Variants in DOCK10 observed in about 807,000 individuals in gnomAD.
DOCK10 encodes the protein dedicator of cytokinesis 10.
Under a neutral mutation model 280.1 loss-of-function variants are expected in DOCK10, and 145 were observed. The observed-to-expected ratio is 0.52, with a 90% confidence interval of 0.45 to 0.59. The LOEUF (loss-of-function observed/expected upper bound fraction) is 0.59, where lower values mean the gene tolerates loss of function less well. DOCK10 is among the 20% of genes least tolerant of loss of function. The pLI, the probability that DOCK10 is intolerant of heterozygous loss-of-function variation, is 0.00. For missense variants in DOCK10, 2,368 were observed against 2,651.7 expected (o/e 0.89, Z 2.35); for synonymous variants, 915 against 942.2 (o/e 0.97, Z 0.53).
At chr2:224,813,020 T>A (rs902261787) in intron 31 of DOCK10, among the ~76,000 whole-genome samples, 2 of 152,210 alleles carry the variant, frequency 1.3e-5, no homozygotes, top group African/African-American at 4.8e-5. Flanking sequence ...TTAGGGAGGA[T>A]TCCCTCTTTT....
chr2:225,014,081 A>ATATATATATATATATTTTTT (rs776104946), intron 1 of DOCK10, among the ~76,000 whole-genome samples: 15 of 96,824 alleles, frequency 1.5e-4, no homozygotes, highest in African/African-American at 7.0e-4. Context: ...GTCTGAATAT[A>ATATATATATATATATTTTTT]TTGTTTTTTT....
At chr2:224,896,554 TA>T (rs1185972052) in intron 3 of DOCK10, among the ~76,000 whole-genome samples, 177 bp from the exon 4 acceptor site, 4 of 151,990 alleles carry the variant, frequency 2.6e-5, no homozygotes, top group Non-Finnish European at 5.9e-5. Flanking sequence ...CCATCTCTAC[TA>T]AAAATACAAA....
intron 55 of DOCK10, among the ~76,000 whole-genome samples, chr2:224,767,857 A>G (rs1242309972): frequency 2.6e-5 from 4 of 151,870 alleles, no homozygotes; most frequent in Admixed American, 6.6e-5. Flanking sequence ...ACACATAATT[A>G]ATTCTATTTT....
chr2:225,018,052 T>C (rs1365623900), intron 1 of DOCK10, among the ~76,000 whole-genome samples: 2 of 152,208 alleles, frequency 1.3e-5, no homozygotes. Flanking sequence ...CCACAACTCC[T>C]GCTTGACTGA....
At chr2:224,800,324 G>T (rs1692898187) in intron 40 of DOCK10, 61 bp from the exon 41 acceptor site, 3 of 961,618 alleles carry the variant, frequency 3.1e-6, no homozygotes, top group South Asian at 1.7e-5. Flanking sequence ...ACCCTATAAA[G>T]GATTTCCTTT....
rs368049022 is a variant in DOCK10, at chr2:224,805,243, C to T, written c.4014G>A (p.Leu1338=). The change falls in exon 36 of 56, where the codon CTG becomes CTA. Residue 1338 remains leucine, a synonymous_variant. Transcript: ENST00000258390. The surrounding 1 kb of genome is among the most constrained non-coding windows in gnomAD (Gnocchi z 4.3). ...TTTTCATAATGTGAAGAAAACACATCAGGAGACTCCTGGTTTCTGCTTGAT... is the reference window on the plus strand; with the variant it reads ...TTTTCATAATGTGAAGAAAACACATTAGGAGACTCCTGGTTTCTGCTTGAT... ...KLDQAETRSL[L]MCFLHIMKTI... is the part of the protein sequence containing the mutation. The T allele has an allele frequency of 6.2e-7, 1 of 1,612,978 alleles. No homozygotes were observed. Among genetic ancestry groups the T allele is most frequent in the Admixed American group, 1.7e-5 (1 of 59,912 alleles).
At chr2:224,807,646 G>A (rs987361011) in intron 33 of DOCK10, 22 bp downstream of exon 33, 1 of 1,392,914 alleles carries the variant, frequency 7.2e-7, no homozygotes, top group Non-Finnish European at 9.8e-7. Flanking sequence ...ACATAGAAAT[G>A]TGACATATTG....
At chr2:224,967,219 A>G (rs950340652) in intron 1 of DOCK10, among the ~76,000 whole-genome samples, 2 of 152,038 alleles carry the variant, frequency 1.3e-5, no homozygotes, top group Non-Finnish European at 2.9e-5. Flanking sequence ...AGTTGGGACT[A>G]CAGGGGCCCA....
chr2:225,041,887 C>A (rs563920211), intron 1 of DOCK10, among the ~76,000 whole-genome samples: 1 of 152,200 alleles, frequency 6.6e-6, no homozygotes, highest in South Asian at 2.1e-4. Context: ...GATCCCCCCA[C>A]CCCACCCGGG....
intron 44 of DOCK10, 146 bp downstream of exon 44, chr2:224,796,170 C>T: frequency 5.0e-6 from 3 of 598,318 alleles, no homozygotes. Context: ...CTCAAGCGAT[C>T]CTCCTGCCTT....
chr2:224,871,369 C>G (rs960396445), intron 11 of DOCK10, among the ~76,000 whole-genome samples: 1 of 152,072 alleles, frequency 6.6e-6, no homozygotes, highest in Admixed American at 6.6e-5. Context: ...AGCTTATCAG[C>G]CCAATTTACA....
rs750172583 is a variant in DOCK10 at position 224,885,706 on chromosome 2, A to T, written c.712T>A (p.Cys238Ser). ...DEKISKEPKG[C>S]IFLDSCTGVV... Reference sequence around the variant, plus strand: ...CCTGTACAGGAATCCAAAAAGATGCATCCTTTGGGTTCTTTGGATATTTTC... The same window carrying T: ...CCTGTACAGGAATCCAAAAAGATGCTTCCTTTGGGTTCTTTGGATATTTTC... The change falls in exon 7 of 56, where the codon TGC (cysteine) becomes AGC (serine). Residue 238 changes from cysteine to serine, a missense_variant. Around this residue, in one of 2 missense-constraint regions of DOCK10, gnomAD observed 1,209 missense variants for 1,250.9 expected, o/e 0.97. Transcript: ENST00000258390. The T allele has an allele frequency of 3.1e-6, 5 of 1,613,126 alleles. No individual in the cohort carries two copies. The East Asian group carries it at 8.9e-5, about 29-fold the overall frequency.
At chr2:224,847,234 C>T (rs6742408) in intron 19 of DOCK10, among the ~76,000 whole-genome samples, 26,132 of 152,158 alleles carry the variant, frequency 0.17, 3,308 homozygotes, top group African/African-American at 0.36. Flanking sequence ...AGCCCTGCCA[C>T]GTACACCATC....
chr2:224,940,351 G>A (rs1702960832), intron 1 of DOCK10, among the ~76,000 whole-genome samples: 1 of 152,090 alleles, frequency 6.6e-6, no homozygotes, highest in African/African-American at 2.4e-5. Flanking sequence ...TCCAATGCTT[G>A]CAACTATAGG....
At chr2:224,791,321 T>C (rs1056847963) in intron 47 of DOCK10, among the ~76,000 whole-genome samples, 9 of 152,152 alleles carry the variant, frequency 5.9e-5, no homozygotes, top group African/African-American at 2.2e-4. Flanking sequence ...ACATAGGAAG[T>C]GTGACACTAA....
intron 1 of DOCK10, among the ~76,000 whole-genome samples, chr2:224,957,284 C>CA (rs1559862342): frequency 9.4e-5 from 9 of 95,922 alleles, no homozygotes; most frequent in African/African-American, 2.9e-4. Context: ...TTTTACTTTC[C>CA]GCCCCCCCCC....
At chr2:224,921,112 A>ATATATAT (rs1553613961) in intron 2 of DOCK10, among the ~76,000 whole-genome samples, 5 of 54,408 alleles carry the variant, frequency 9.2e-5, no homozygotes, top group African/African-American at 6.3e-4. Context: ...AAAAAAAAAA[A>ATATATAT]ATATATATAT....
chr2:224,936,192 T>G (rs1298136745), intron 1 of DOCK10, among the ~76,000 whole-genome samples: 1 of 152,220 alleles, frequency 6.6e-6, no homozygotes, highest in Admixed American at 6.5e-5. Flanking sequence ...CCATAAATAA[T>G]GGTGCAGTGC....
At chr2:224,834,929 T>C (rs1005117106) in intron 25 of DOCK10, among the ~76,000 whole-genome samples, 1 of 152,230 alleles carries the variant, frequency 6.6e-6, no homozygotes, top group Non-Finnish European at 1.5e-5. Flanking sequence ...AAATGCTTAT[T>C]ACTGAATTAT....
Sources: gnomAD v4.1 joint callset for allele counts (sites outside exome capture counted in the v4.1 genomes callset) on GRCh38, gnomAD v4.1.1 for gene constraint, gnomAD v4.1.1 regional missense constraint, Gnocchi (gnomAD v3.1) non-coding constraint, MANE v1.5 for transcripts, NCBI Gene and HGNC (gene_info 2026-07-23, HGNC 2026-07-21) for gene names.